EIF2AK3: variants seen among roughly 807,000 people sequenced by gnomAD.
The protein encoded by EIF2AK3 is eukaryotic translation initiation factor 2 alpha kinase 3.
Under a neutral mutation model 113.5 loss-of-function variants are expected in EIF2AK3, and 50 were observed. The observed-to-expected ratio is 0.44, with a 90% CI of 0.35 to 0.56. The LOEUF (loss-of-function observed/expected upper bound fraction) is 0.56, where lower values mean the gene tolerates loss of function less well. Among genes scored for constraint, EIF2AK3 ranks in the 20% least tolerant of loss-of-function variants. EIF2AK3 has a pLI of 0.00. For synonymous variants in EIF2AK3, 448 were observed against 495.4 expected (o/e 0.90, Z 1.27); for missense variants, 1,185 against 1,378.0 (o/e 0.86, Z 2.22).
In EIF2AK3 at chr2:88,595,473, CCACTATATG is replaced by C; in HGVS notation, c.620_628del (p.Ala207_Ser209del). The C allele has an allele frequency of 6.2e-7, 1 of 1,613,908 alleles. No homozygotes were observed. ...AAATTCAGCATTTTCACTTACCTTT[CCACTATATG>C]CACTGAGTCCATATGTAGTCAGAGA... On this transcript the variant is annotated inframe_deletion, in exon 3 of 17. Coordinates refer to ENST00000303236, the MANE Select transcript of EIF2AK3 (RefSeq NM_004836.7).
intron 1 of EIF2AK3, among the ~76,000 whole-genome samples, chr2:88,621,896 ATTT>A (rs34216518): frequency 2.3e-5 from 3 of 133,282 alleles, no homozygotes; most frequent in African/African-American, 2.8e-5. Flanking sequence ...TTATTCTATA[ATTT>A]TTTTTTTTTT....
At chr2:88,558,086 C>A in intron 16 of EIF2AK3, 150 bp from the exon 17 acceptor site, 1 of 739,484 alleles carries the variant, frequency 1.4e-6, no homozygotes, top group South Asian at 1.6e-5. Context: ...CTACTCAGCT[C>A]TGCCGTCAAT....
At chr2:88,558,759 G>A (rs568319862) in intron 16 of EIF2AK3, among the ~76,000 whole-genome samples, 158 bp downstream of exon 16, 1 of 152,168 alleles carries the variant, frequency 6.6e-6, no homozygotes, top group Non-Finnish European at 1.5e-5. Flanking sequence ...TCCAGTGTTT[G>A]GTTTTAACAA....
rs367551388 is a variant in EIF2AK3 at position 88,579,602 on chromosome 2, C to T, written c.1802G>A (p.Arg601His). 13 of 1,613,702 alleles carry T rather than the reference C, an allele frequency of 8.1e-6. No individual in the cohort carries two copies. Among genetic ancestry groups the T allele is most frequent in the South Asian group, 2.2e-5 (2 of 91,064 alleles). ...TTCAAAAACAACTCCAAAGCCACCA[C>T]GTCCCAGGCATTGAATTGGCTCAAA... ...TDFEPIQCLGRGGFGVVFEAK... is the reference protein window; with the variant it reads ...TDFEPIQCLGHGGFGVVFEAK... Residue 601 changes from arginine (R) to histidine (H), a missense_variant, in exon 11 of 17, where the codon CGT becomes CAT. Arg to His is a conservative substitution (Grantham distance 29, BLOSUM62 0). This residue lies in a region of EIF2AK3 where 877 missense variants were observed against 1,024.2 expected (regional missense o/e 0.86). Transcript: ENST00000303236.
intron 14 of EIF2AK3, among the ~76,000 whole-genome samples, chr2:88,570,408 C>T (rs141739060): frequency 9.7e-4 from 148 of 152,304 alleles, no homozygotes; most frequent in Middle Eastern, 3.4e-3. Context: ...CCTGTGAAGG[C>T]CAAGCAGCCC....
chr2:88,622,439 TG>T (rs1675749264), intron 1 of EIF2AK3, among the ~76,000 whole-genome samples: 2 of 152,204 alleles, frequency 1.3e-5, no homozygotes, highest in Admixed American at 1.3e-4. Context: ...TCACAGCAAC[TG>T]ATAAAGACAG....
At position 88,585,946 on chromosome 2, in the gene EIF2AK3, A is replaced by G; in HGVS notation, c.1545T>C (p.Pro515=). Residue 515 remains proline, a synonymous_variant, in exon 9 of 17, where the codon CCT becomes CCC. Coordinates refer to ENST00000303236, the MANE Select transcript of EIF2AK3 (RefSeq NM_004836.7). The part of the protein sequence containing the change: ...HYNKNIRKKD[P]VLLLHWWKEI... ...CTTTCCACCAGTGTAAAAGAAGAACAGGATCCTTTTTGCGGATATTCTTGT... is the reference window on the plus strand; with the variant it reads ...CTTTCCACCAGTGTAAAAGAAGAACGGGATCCTTTTTGCGGATATTCTTGT... 6.2e-7 allele frequency: 1 copy of G among 1,614,190 alleles called. No individual in the cohort carries two copies. The highest frequency in any genetic ancestry group is 8.5e-7 in the Non-Finnish European group (1 of 1,180,000).
At chr2:88,614,250 G>A (rs771141159) in intron 1 of EIF2AK3, among the ~76,000 whole-genome samples, 2 of 152,128 alleles carry the variant, frequency 1.3e-5, no homozygotes, top group Non-Finnish European at 2.9e-5. Flanking sequence ...CTTCCCTACA[G>A]AAGCACAGAT....
intron 2 of EIF2AK3, among the ~76,000 whole-genome samples, chr2:88,596,867 AC>A (rs1353532257): frequency 1.3e-5 from 2 of 152,208 alleles, no homozygotes; most frequent in Admixed American, 6.5e-5. Flanking sequence ...TAATTCCAAG[AC>A]TTCTGGCCAA....
rs749741431 is a variant in EIF2AK3 at position 88,596,678 on chromosome 2, A to G, written c.439-1015T>C. 3.8e-4 allele frequency among the ~76,000 whole-genome samples: 58 copies of G among 152,204 alleles called. 1 individual carries two copies. The highest frequency in any genetic ancestry group is 5.9e-4 in the Non-Finnish European group (40 of 68,028). On this transcript the variant is annotated intron_variant, in intron 2 of 16. Transcript: ENST00000303236. ...ATCATGTTTGAAAAACCACAAGGAA[A>G]GTGAACAGGCTGAGAGGCAAGAGTG...
intron 12 of EIF2AK3, 125 bp downstream of exon 12, chr2:88,576,429 C>A: frequency 7.1e-7 from 1 of 1,400,570 alleles, no homozygotes; most frequent in East Asian, 2.4e-5. Context: ...CTTTTCAAAA[C>A]ATGAAACAAC....
chr2:88,592,843 G>A (rs1254225060), intron 4 of EIF2AK3, among the ~76,000 whole-genome samples: 3 of 151,540 alleles, frequency 2.0e-5, no homozygotes, highest in African/African-American at 4.9e-5. Context: ...ATCATATCCC[G>A]AAGCATATGG....
intron 2 of EIF2AK3, among the ~76,000 whole-genome samples, chr2:88,609,079 A>C (rs1381206865): frequency 1.3e-5 from 2 of 151,024 alleles, no homozygotes; most frequent in Non-Finnish European, 3.0e-5. Context: ...TTTTTTTCTA[A>C]ATCTGAACTG....
At chr2:88,592,314 A>G (rs1674907938) in intron 4 of EIF2AK3, among the ~76,000 whole-genome samples, 1 of 152,228 alleles carries the variant, frequency 6.6e-6, no homozygotes, top group Admixed American at 6.5e-5. Flanking sequence ...AAATTGAATA[A>G]GATGATTATT....
chr2:88,617,405 G>T (rs1254526991), intron 1 of EIF2AK3, among the ~76,000 whole-genome samples: 1 of 152,182 alleles, frequency 6.6e-6, no homozygotes, highest in Non-Finnish European at 1.5e-5. Context: ...ATCAAATACT[G>T]CATGTTCTCA....
intron 3 of EIF2AK3, 51 bp from the exon 4 acceptor site, chr2:88,593,456 TAGATC>T (rs1160156704): frequency 1.4e-5 from 22 of 1,600,000 alleles, no homozygotes; most frequent in Middle Eastern, 1.7e-4. Context: ...CAACTCATAA[TAGATC>T]AGAGATATTA....
At chr2:88,582,105 G>T (rs1421283666) in intron 10 of EIF2AK3, among the ~76,000 whole-genome samples, 1 of 152,128 alleles carries the variant, frequency 6.6e-6, no homozygotes, top group Non-Finnish European at 1.5e-5. Flanking sequence ...CTTATGTTCG[G>T]CAGGCCTAGA....
intron 1 of EIF2AK3, among the ~76,000 whole-genome samples, chr2:88,615,732 TCTC>T (rs1675550692): frequency 6.6e-6 from 1 of 152,120 alleles, no homozygotes; most frequent in African/African-American, 2.4e-5. Flanking sequence ...AATGAATCCT[TCTC>T]CTCCTCAAGC....
chr2:88,592,027 C>T (rs1674898940), intron 4 of EIF2AK3, among the ~76,000 whole-genome samples: 1 of 152,114 alleles, frequency 6.6e-6, no homozygotes, highest in African/African-American at 2.4e-5. Flanking sequence ...GGAAAGGAAA[C>T]TGAATTACAC....
Sources: gnomAD v4.1 joint callset for allele counts (sites outside exome capture counted in the v4.1 genomes callset) on GRCh38, gnomAD v4.1.1 for gene constraint, gnomAD v4.1.1 regional missense constraint, MANE v1.5 for transcripts, NCBI Gene and HGNC (gene_info 2026-07-23, HGNC 2026-07-21) for gene names.